The following DPP6 variants were observed in gnomAD, a reference collection of about 807,000 sequenced individuals.
DPP6 encodes the protein dipeptidyl peptidase like 6.
Under a neutral mutation model 122.6 loss-of-function variants are expected in DPP6, and 69 were observed. That is an observed-to-expected ratio of 0.56 (90% CI 0.46 to 0.69). The LOEUF (loss-of-function observed/expected upper bound fraction) is 0.69. Ranked by LOEUF, DPP6 falls within the 30% of genes least tolerant of loss-of-function variation. DPP6 has a pLI of 0.00. For synonymous variants in DPP6, 418 were observed against 433.1 expected (o/e 0.97, Z 0.43); for missense variants, 928 against 1,116.9 (o/e 0.83, Z 2.41).
Position 154,872,800 on chromosome 7 carries a change from C to T in DPP6, c.1883+107C>T, listed in dbSNP as rs2293356. 0.15 allele frequency: 234,145 copies of T among 1,531,934 alleles called. 21,412 individuals are homozygous for T. Among genetic ancestry groups the T allele is most frequent in the East Asian group, 0.52 (21,126 of 40,652 alleles). 94.9% of individuals were successfully genotyped at this position (1,531,934 alleles called of 1,614,324 possible). A position where few individuals can be genotyped will look rare whatever the true frequency, so the allele number is the denominator to read the frequency against. On this transcript the variant is annotated intron_variant, in intron 19 of 25. Coordinates refer to ENST00000377770, the MANE Select transcript of DPP6 (RefSeq NM_130797.4). ...AAGAAAAGATAAGCAGGAGAAATGA[C>T]ATTGTTGCAAACTGAAAACATAACA...
At chr7:154,136,625 C>T (rs1468475753) in intron 1 of DPP6, among the ~76,000 whole-genome samples, 1,636 of 152,286 alleles carry the variant, frequency 0.011, 31 homozygotes, top group African/African-American at 0.037. Context: ...ATATCTTCTT[C>T]CTTATTACTC....
chr7:154,789,393 T>C (rs1797536368), intron 10 of DPP6, among the ~76,000 whole-genome samples: 1 of 152,236 alleles, frequency 6.6e-6, no homozygotes, highest in South Asian at 2.1e-4. Context: ...GGAAGAATAG[T>C]ACAGTGGGGA....
intron 5 of DPP6, among the ~76,000 whole-genome samples, chr7:154,582,904 C>T (rs756576818): frequency 1.1e-4 from 16 of 152,132 alleles, no homozygotes; most frequent in East Asian, 1.9e-4. Flanking sequence ...GTTATACCCC[C>T]GGGGGAAGGT....
chr7:154,289,862 A>T (rs1029831182), intron 1 of DPP6, among the ~76,000 whole-genome samples: 1 of 152,180 alleles, frequency 6.6e-6, no homozygotes, highest in African/African-American at 2.4e-5. Flanking sequence ...AGATTCCCTG[A>T]ATCCTGACCG....
At chr7:154,224,108 C>T (rs1800459210) in intron 1 of DPP6, among the ~76,000 whole-genome samples, 1 of 147,834 alleles carries the variant, frequency 6.8e-6, no homozygotes, top group Non-Finnish European at 1.5e-5. Flanking sequence ...CTGATCATTC[C>T]CTGGGAGGAC....
chr7:153,935,840 C>T (rs769346452), intron 1 of DPP6, among the ~76,000 whole-genome samples: 1 of 152,186 alleles, frequency 6.6e-6, no homozygotes, highest in African/African-American at 2.4e-5. Context: ...CCAGCCCACA[C>T]CTGTGCCCCC....
At chr7:153,966,443 C>T (rs1795725883) in intron 1 of DPP6, among the ~76,000 whole-genome samples, 3 of 148,998 alleles carry the variant, frequency 2.0e-5, no homozygotes, top group Admixed American at 6.8e-5. Flanking sequence ...CCTCGTCTTC[C>T]CTCTGCTGTC....
chr7:154,835,419 CG>C (rs1226096227), intron 16 of DPP6, among the ~76,000 whole-genome samples: 2 of 152,170 alleles, frequency 1.3e-5, no homozygotes, highest in Non-Finnish European at 2.9e-5. Context: ...TTAAGCTGCC[CG>C]GTCTGTGGGA....
At chr7:154,339,810 C>T (rs1254420432) in intron 1 of DPP6, among the ~76,000 whole-genome samples, 3 of 152,142 alleles carry the variant, frequency 2.0e-5, no homozygotes, top group Admixed American at 6.5e-5. Flanking sequence ...CGTAGTGGCT[C>T]ACGCCTGTAA....
intron 1 of DPP6, among the ~76,000 whole-genome samples, chr7:154,347,397 T>G (rs1419617003): frequency 6.6e-6 from 1 of 152,226 alleles, no homozygotes; most frequent in Admixed American, 6.5e-5. Context: ...TGATAATATT[T>G]GCAAATCCTT....
At chr7:153,887,551 G>C in exon 1 of DPP6, 1 of 1,035,210 alleles carries the variant, frequency 9.7e-7, no homozygotes, top group Non-Finnish European at 1.5e-6. Flanking sequence ...TGAAGACCTG[G>C]AAGATTTTTT....
At chr7:154,852,539 T>TC in intron 16 of DPP6, among the ~76,000 whole-genome samples, 2 of 152,120 alleles carry the variant, frequency 1.3e-5, no homozygotes, top group African/African-American at 4.8e-5. Flanking sequence ...CTCTCCTGCC[T>TC]TTCCTGCCTC....
At chr7:154,640,348 A>G (rs1586789436) in intron 6 of DPP6, among the ~76,000 whole-genome samples, 1 of 152,188 alleles carries the variant, frequency 6.6e-6, no homozygotes, top group Non-Finnish European at 1.5e-5. Context: ...GTGACATACT[A>G]CTTTCTCTTC....
chr7:154,244,178 A>C (rs1009307379), intron 1 of DPP6, among the ~76,000 whole-genome samples: 3 of 152,162 alleles, frequency 2.0e-5, no homozygotes, highest in Non-Finnish European at 4.4e-5. Context: ...CGTTATATAC[A>C]AGGAAACAGT....
rs1189577394 is a variant in DPP6 at position 154,080,620 on chromosome 7, C to T, written c.243+27557C>T. 4.6e-5 allele frequency among the ~76,000 whole-genome samples: 7 copies of T among 152,276 alleles called. No homozygotes were observed. In the East Asian group the frequency reaches 9.6e-4, roughly 21 times the overall value. ...GGTCTGGGAGTAAGAGTGCAGAGAT[C>T]TACCTGTCTTGGTGCCACCCAAGGT... On this transcript the variant is annotated intron_variant, in intron 1 of 25. Transcript: ENST00000377770.
rs71182854 is a variant in DPP6, at chr7:153,928,396, ATTTTTTTTTT to A, written c.51+40678_51+40687del. The stretch of plus-strand genomic sequence containing the variant: ...CTGGCTAATTTTTTTCTTTTCTTTC[ATTTTTTTTTT>A]TTTTTTTTTTTTTTTGGTAGAGACA... On this transcript the variant is annotated intron_variant, in intron 1 of 25. Transcript: ENST00000404039. 2.1e-4 allele frequency among the ~76,000 whole-genome samples: 9 copies of A among 43,672 alleles called. No homozygotes were observed. In the South Asian group the frequency reaches 3.0e-3, roughly 14 times the overall value. The allele number at this position is 43,672 out of a possible 152,430, so 28.7% of individuals were successfully genotyped here. A position where few individuals can be genotyped will look rare whatever the true frequency, so the allele number is the denominator to read the frequency against.
chr7:154,319,312 ACT>A (rs1419503936), intron 1 of DPP6, among the ~76,000 whole-genome samples: 2 of 152,110 alleles, frequency 1.3e-5, no homozygotes, highest in African/African-American at 4.8e-5. Context: ...CAAGGTTAAA[ACT>A]CTTTTTCTCT....
chr7:153,983,162 A>G (rs1336292477), intron 1 of DPP6, among the ~76,000 whole-genome samples: 4 of 152,198 alleles, frequency 2.6e-5, no homozygotes, highest in Non-Finnish European at 5.9e-5. Context: ...CCCTTCCCAA[A>G]GGTGCTGTGT....
chr7:153,957,038 T>G (rs1285444891), intron 1 of DPP6, among the ~76,000 whole-genome samples: 1 of 152,186 alleles, frequency 6.6e-6, no homozygotes, highest in East Asian at 1.9e-4. Flanking sequence ...GAAAAGTGTG[T>G]TTGTAAATTC....
Sources: gnomAD v4.1 joint callset for allele counts (sites outside exome capture counted in the v4.1 genomes callset) on GRCh38, gnomAD v4.1.1 for gene constraint, MANE v1.5 for transcripts, NCBI Gene and HGNC (gene_info 2026-07-23, HGNC 2026-07-21) for gene names.